The following TCF20 variants were observed in gnomAD, a reference collection of about 807,000 sequenced individuals.
The protein encoded by TCF20 is transcription factor 20, also known as SPRE-binding protein.
Under a neutral mutation model 148.6 loss-of-function variants are expected in TCF20, and 3 were observed. The observed-to-expected ratio is 0.02, with a 90% CI of 0.01 to 0.05. The LOEUF (loss-of-function observed/expected upper bound fraction) is 0.05. Ranked by LOEUF, TCF20 falls within the 10% of genes least tolerant of loss-of-function variation. The pLI is 1.00. For missense variants in TCF20, 2,350 were observed against 2,429.3 expected, an observed-to-expected ratio of 0.97 and a Z score of 0.69; for synonymous variants, 1,049 against 909.5, an observed-to-expected ratio of 1.15 and a Z score of -2.76.
At chr22:42,332,589 C>G (rs897653343) in intron 1 of TCF20, among the ~76,000 whole-genome samples, 1 of 152,072 alleles carries the variant, frequency 6.6e-6, no homozygotes, top group African/African-American at 2.4e-5. Context: ...CTGCAACCTC[C>G]GCCTCCCGGG....
At chr22:42,273,360 CAAAAA>C (rs35166029), upstream of TCF20, among the ~76,000 whole-genome samples, 2,950 of 61,122 alleles carry the variant, frequency 0.048, 108 homozygotes, top group African/African-American at 0.17. Flanking sequence ...AACTCCGTCT[CAAAAA>C]AAAAAAAAAA....
intron 1 of TCF20, among the ~76,000 whole-genome samples, chr22:42,255,803 C>A (rs1474714145): frequency 6.6e-6 from 1 of 152,128 alleles, no homozygotes; most frequent in Non-Finnish European, 1.5e-5. Context: ...ACGCCCCCAA[C>A]CATGTATTCA....
chr22:42,281,373 C>A (rs921750374), intron 1 of TCF20, among the ~76,000 whole-genome samples: 1 of 152,158 alleles, frequency 6.6e-6, no homozygotes, highest in Non-Finnish European at 1.5e-5. Flanking sequence ...CATGTGGCAC[C>A]GCCCAGTCTG....
rs544749489 is a variant in TCF20, at chr22:42,256,048, T to G, written c.-37+14291A>C. Among the ~76,000 whole-genome samples the G allele has an allele frequency of 3.3e-3, 503 of 152,192 alleles. 4 individuals carry two copies. The highest frequency in any genetic ancestry group is 0.012 in the African/African-American group (489 of 41,502). ...CTTAGGAATGCTCTTTCTCCACTCT[T>G]CCACTTGTCTCTCTCTCTCGTCCAT... On this transcript the variant is annotated intron_variant, in intron 1 of 5. Transcript: ENST00000677622.
intron 1 of TCF20, among the ~76,000 whole-genome samples, chr22:42,315,563 G>C (rs1035342764): frequency 1.2e-4 from 18 of 152,246 alleles, no homozygotes; most frequent in Non-Finnish European, 2.1e-4. Flanking sequence ...AAAGTCCTGG[G>C]CTGGCCATGG....
At chr22:42,196,174 A>C (rs1383609498) in intron 2 of TCF20, among the ~76,000 whole-genome samples, 1 of 152,228 alleles carries the variant, frequency 6.6e-6, no homozygotes, top group Admixed American at 6.5e-5. Flanking sequence ...GGAGGCACTC[A>C]GACCTGCCAC....
At chr22:42,311,043 CTGGCCCGG>C (rs1203292707) in intron 1 of TCF20, among the ~76,000 whole-genome samples, 2 of 152,226 alleles carry the variant, frequency 1.3e-5, no homozygotes, top group Non-Finnish European at 2.9e-5. Context: ...TGGCCCAAGG[CTGGCCCGG>C]TGGCATCCAG....
chr22:42,312,891 C>T (rs1050254604), intron 1 of TCF20, among the ~76,000 whole-genome samples: 3 of 152,216 alleles, frequency 2.0e-5, no homozygotes, highest in East Asian at 1.9e-4. Flanking sequence ...TCAAGGCCCA[C>T]GTCTGCAGAG....
At chr22:42,203,651 T>C (rs750909870) in intron 2 of TCF20, among the ~76,000 whole-genome samples, 12 of 152,214 alleles carry the variant, frequency 7.9e-5, no homozygotes, top group Non-Finnish European at 1.6e-4. Flanking sequence ...GTCTCTGCTA[T>C]ATACTGAAAG....
At chr22:42,162,429 A>G (rs1382094860) in intron 5 of TCF20, among the ~76,000 whole-genome samples, 1 of 152,114 alleles carries the variant, frequency 6.6e-6, no homozygotes, top group Non-Finnish European at 1.5e-5. Context: ...CCCAGGCTGG[A>G]GGGCTTCTCT....
At chr22:42,249,164 C>T (rs1925159249) in intron 1 of TCF20, among the ~76,000 whole-genome samples, 1 of 152,174 alleles carries the variant, frequency 6.6e-6, no homozygotes. Flanking sequence ...AACCAGTGGC[C>T]CCCTGAATTC....
intron 2 of TCF20, among the ~76,000 whole-genome samples, chr22:42,180,106 C>A (rs1274011401): frequency 6.6e-6 from 1 of 152,122 alleles, no homozygotes; most frequent in African/African-American, 2.4e-5. Context: ...CTGTGAAAAT[C>A]TGGGGTAAGA....
At chr22:42,197,722 G>A (rs932226579) in intron 2 of TCF20, among the ~76,000 whole-genome samples, 2 of 152,072 alleles carry the variant, frequency 1.3e-5, no homozygotes, top group African/African-American at 2.4e-5. Context: ...AGTGATTCAG[G>A]CTATGAGAAA....
upstream of TCF20, among the ~76,000 whole-genome samples, chr22:42,287,221 C>G (rs1927049080): frequency 6.6e-6 from 1 of 152,162 alleles, no homozygotes; most frequent in Admixed American, 6.5e-5. Flanking sequence ...AGCATGGTGG[C>G]TGAGCTAGAG....
At chr22:42,192,253 T>C (rs1336023742) in intron 2 of TCF20, among the ~76,000 whole-genome samples, 1 of 152,182 alleles carries the variant, frequency 6.6e-6, no homozygotes, top group East Asian at 1.9e-4. Flanking sequence ...ACGACAAACC[T>C]GCTGCCACAA....
intron 1 of TCF20, among the ~76,000 whole-genome samples, chr22:42,311,809 G>A (rs969275713): frequency 2.6e-5 from 4 of 152,160 alleles, no homozygotes; most frequent in African/African-American, 9.7e-5. Flanking sequence ...TGATTTCCCC[G>A]TCTCTTCCAC....
chr22:42,251,075 G>T (rs1053869715), intron 1 of TCF20, among the ~76,000 whole-genome samples: 8 of 152,164 alleles, frequency 5.3e-5, no homozygotes, highest in African/African-American at 1.9e-4. Context: ...CAATATTGGG[G>T]ATTACAATTC....
intron 1 of TCF20, among the ~76,000 whole-genome samples, chr22:42,233,191 G>A (rs1032850179): frequency 2.6e-5 from 4 of 152,088 alleles, no homozygotes; most frequent in African/African-American, 7.2e-5. Context: ...CAAAGTGCTA[G>A]GATTACAGGT....
intron 1 of TCF20, among the ~76,000 whole-genome samples, chr22:42,244,926 T>A (rs545283864): frequency 7.3e-5 from 11 of 150,094 alleles, no homozygotes; most frequent in African/African-American, 2.2e-4. Context: ...CAAAAAAAAA[T>A]ACCAAAATCA....
Sources: gnomAD v4.1 joint callset for allele counts (sites outside exome capture counted in the v4.1 genomes callset) on GRCh38, gnomAD v4.1.1 for gene constraint, MANE v1.5 for transcripts, NCBI Gene and HGNC (gene_info 2026-07-23, HGNC 2026-07-21) for gene names.